Variants in CSRNP3 observed in about 807,000 individuals in gnomAD.
CSRNP3 encodes cysteine and serine rich nuclear protein 3.
In CSRNP3, 12 loss-of-function variants were observed where a neutral mutation model predicts 48.0. That is an observed-to-expected ratio of 0.25 (90% CI 0.16 to 0.41). The LOEUF (loss-of-function observed/expected upper bound fraction) is 0.41. CSRNP3 is among the 10% of genes least tolerant of loss of function. CSRNP3 has a pLI of 1.00. For missense variants in CSRNP3, 580 were observed against 724.4 expected (o/e 0.80, Z 2.29); for synonymous variants, 263 against 269.7 (o/e 0.98, Z 0.24).
rs560564619 is a variant in CSRNP3, at chr2:165,608,226, G to A, written c.148+13013G>A. Among the ~76,000 whole-genome samples the A allele has an allele frequency of 2.6e-5, 4 of 151,874 alleles. No individual in the cohort carries two copies. In the South Asian group the frequency reaches 8.3e-4, roughly 32 times the overall value. Reference sequence around the variant, plus strand: ...AATGCACTCAAAGTATCGTACATTAGAACTGTGGAAAAGACAGTTTAAAAA... The same window carrying A: ...AATGCACTCAAAGTATCGTACATTAAAACTGTGGAAAAGACAGTTTAAAAA... On this transcript the variant is annotated intron_variant, in intron 4 of 6. Transcript: ENST00000651982.
At chr2:165,647,322 A>G (rs1398878744) in intron 4 of CSRNP3, among the ~76,000 whole-genome samples, 2 of 152,220 alleles carry the variant, frequency 1.3e-5, no homozygotes, top group Non-Finnish European at 2.9e-5. Flanking sequence ...TATTTTGCAG[A>G]CATTGGGATA....
chr2:165,555,470 T>C (rs1685149780), intron 3 of CSRNP3, among the ~76,000 whole-genome samples: 1 of 152,298 alleles, frequency 6.6e-6, no homozygotes. Flanking sequence ...GCGAGCAATA[T>C]GACTCCTGTG....
At chr2:165,673,434 G>A (rs1368001697) in intron 5 of CSRNP3, among the ~76,000 whole-genome samples, 1 of 151,746 alleles carries the variant, frequency 6.6e-6, no homozygotes, top group African/African-American at 2.4e-5. Flanking sequence ...CACCACAGCT[G>A]GCCAGATTCT....
At chr2:165,615,053 T>A (rs187612237) in intron 4 of CSRNP3, among the ~76,000 whole-genome samples, 22 of 152,332 alleles carry the variant, frequency 1.4e-4, no homozygotes, top group African/African-American at 4.8e-4. Flanking sequence ...GATTTAATGA[T>A]CTGTAAATGT....
chr2:165,602,500 G>T (rs1685932353), intron 4 of CSRNP3, among the ~76,000 whole-genome samples: 1 of 152,168 alleles, frequency 6.6e-6, no homozygotes, highest in Admixed American at 6.5e-5. Flanking sequence ...TGAATCATTA[G>T]GTGTTTATTG....
chr2:165,577,878 C>T (rs1049666898), intron 3 of CSRNP3, among the ~76,000 whole-genome samples: 19 of 151,912 alleles, frequency 1.3e-4, no homozygotes, highest in Admixed American at 2.6e-4. Flanking sequence ...ATTTCTCGTA[C>T]GTACTGAACT....
At chr2:165,565,870 A>G (rs1274080633) in intron 3 of CSRNP3, among the ~76,000 whole-genome samples, 1 of 152,096 alleles carries the variant, frequency 6.6e-6, no homozygotes, top group Non-Finnish European at 1.5e-5. Context: ...TGAGCATTAC[A>G]ATTAAGTTCA....
intron 3 of CSRNP3, among the ~76,000 whole-genome samples, chr2:165,576,162 A>C (rs1284409033): frequency 6.6e-6 from 1 of 151,104 alleles, no homozygotes; most frequent in Non-Finnish European, 1.5e-5. Context: ...TATGTGTAAC[A>C]ATATATGTAT....
chr2:165,574,295 G>C, intron 3 of CSRNP3: 1 of 1,302,502 alleles, frequency 7.7e-7, no homozygotes, highest in Non-Finnish European at 1.1e-6. Context: ...CTGGTGGAAA[G>C]CTGGATCAGT....
chr2:165,677,792 A>G (rs1393413561), intron 6 of CSRNP3, among the ~76,000 whole-genome samples: 5 of 152,010 alleles, frequency 3.3e-5, no homozygotes, highest in African/African-American at 1.2e-4. Context: ...ATCTGAGACA[A>G]TTGGTAAATC....
At chr2:165,523,067 T>G (rs1271555956) in intron 3 of CSRNP3, among the ~76,000 whole-genome samples, 1 of 152,184 alleles carries the variant, frequency 6.6e-6, no homozygotes, top group Non-Finnish European at 1.5e-5. Flanking sequence ...ACAAGAAAAT[T>G]GAGGTCATTG....
chr2:165,592,881 A>C (rs1416343455), intron 3 of CSRNP3, among the ~76,000 whole-genome samples: 1 of 141,682 alleles, frequency 7.1e-6, no homozygotes, highest in African/African-American at 2.7e-5. Context: ...GGCTCACTGC[A>C]AGCTCCACCT....
intron 4 of CSRNP3, among the ~76,000 whole-genome samples, chr2:165,609,162 G>A (rs1686088140): frequency 7.3e-6 from 1 of 136,232 alleles, no homozygotes; most frequent in African/African-American, 2.7e-5. Flanking sequence ...CATAAAAGAT[G>A]TTCTACTTAG....
intron 4 of CSRNP3, among the ~76,000 whole-genome samples, chr2:165,655,417 G>C (rs1025609959): frequency 1.3e-5 from 2 of 152,140 alleles, no homozygotes; most frequent in African/African-American, 4.8e-5. Context: ...CAACCAGGGA[G>C]TTCTAAGGAT....
intron 3 of CSRNP3, among the ~76,000 whole-genome samples, chr2:165,594,168 A>T (rs995290881): frequency 6.6e-6 from 1 of 151,894 alleles, no homozygotes; most frequent in Non-Finnish European, 1.5e-5. Context: ...TGGATAATGG[A>T]TATTTAACCT....
At chr2:165,616,401 C>G (rs941327940) in intron 4 of CSRNP3, among the ~76,000 whole-genome samples, 1 of 152,112 alleles carries the variant, frequency 6.6e-6, no homozygotes, top group Admixed American at 6.5e-5. Flanking sequence ...TGGTAGATAT[C>G]ATTTTTTACT....
intron 3 of CSRNP3, among the ~76,000 whole-genome samples, chr2:165,543,852 G>A (rs1209921904): frequency 3.9e-5 from 6 of 152,034 alleles, no homozygotes; most frequent in African/African-American, 1.4e-4. Context: ...ATATGACTGA[G>A]CTTCAACTAT....
At chr2:165,568,543 AGGGC>A (rs1176395775) in intron 3 of CSRNP3, among the ~76,000 whole-genome samples, 11 of 152,094 alleles carry the variant, frequency 7.2e-5, no homozygotes, top group Non-Finnish European at 1.6e-4. Context: ...TGACAGCCTC[AGGGC>A]AGTGAATCCT....
At chr2:165,574,052 C>T (rs1343904383) in intron 3 of CSRNP3, 2 of 332,226 alleles carry the variant, frequency 6.0e-6, no homozygotes, top group Non-Finnish European at 1.1e-5. Flanking sequence ...TTAATAGACA[C>T]AGGGAAATGT....
Sources: allele counts gnomAD v4.1 joint callset (sites outside exome capture counted in the v4.1 genomes callset), GRCh38; gene constraint gnomAD v4.1.1; transcripts MANE v1.5; gene names NCBI Gene and HGNC (gene_info 2026-07-23, HGNC 2026-07-21).